SDK1: variants seen among roughly 807,000 people sequenced by gnomAD.
The protein encoded by SDK1 is sidekick cell adhesion molecule 1.
SDK1 carries 157 observed loss-of-function variants against 245.5 expected under a neutral mutation model. The observed-to-expected ratio is 0.64, with a 90% CI of 0.56 to 0.73. The LOEUF (loss-of-function observed/expected upper bound fraction) is 0.73, where lower values mean the gene tolerates loss of function less well. Among genes scored for constraint, SDK1 ranks in the 30% least tolerant of loss-of-function variants. SDK1 has a pLI of 0.00. For synonymous variants in SDK1, 1,647 were observed against 1,278.5 expected, an observed-to-expected ratio of 1.29 and a Z score of -6.15; for missense variants, 3,583 against 3,002.3, an observed-to-expected ratio of 1.19 and a Z score of -4.52.
At chr7:4,262,779 C>T (rs1788112051) in intron 44 of SDK1, among the ~76,000 whole-genome samples, 1 of 91,188 alleles carries the variant, frequency 1.1e-5, no homozygotes, top group Non-Finnish European at 2.3e-5. Flanking sequence ...ATCACCTCCA[C>T]CCCCTCTCCT....
intron 4 of SDK1, among the ~76,000 whole-genome samples, chr7:3,783,445 A>G (rs530676519): frequency 6.6e-6 from 1 of 151,882 alleles, no homozygotes; most frequent in South Asian, 2.1e-4. Context: ...ACATGATCTT[A>G]TATATATAGA....
intron 1 of SDK1, among the ~76,000 whole-genome samples, chr7:3,357,507 A>T (rs796490507): frequency 6.7e-6 from 1 of 148,454 alleles, no homozygotes; most frequent in African/African-American, 2.5e-5. Flanking sequence ...ATGCCACGAT[A>T]CCTGGCTTAA....
chr7:4,022,616 G>A (rs889023393), intron 17 of SDK1, among the ~76,000 whole-genome samples: 1 of 152,064 alleles, frequency 6.6e-6, no homozygotes, highest in African/African-American at 2.4e-5. Context: ...TGCAGGGGGA[G>A]GTAGCAGCTC....
chr7:3,357,329 T>G (rs1203577656), intron 1 of SDK1, among the ~76,000 whole-genome samples: 3 of 8,278 alleles, frequency 3.6e-4, no homozygotes, highest in African/African-American at 6.9e-4. Flanking sequence ...TCTTTTAGTG[T>G]TTTTTTTTTT....
At chr7:4,086,583 G>A (rs936628368) in intron 22 of SDK1, among the ~76,000 whole-genome samples, 1 of 152,104 alleles carries the variant, frequency 6.6e-6, no homozygotes, top group Non-Finnish European at 1.5e-5. Flanking sequence ...CAGAGCAGCC[G>A]GGGCAGGTCA....
At chr7:3,796,516 C>G (rs1778964295) in intron 4 of SDK1, among the ~76,000 whole-genome samples, 1 of 151,594 alleles carries the variant, frequency 6.6e-6, no homozygotes, top group African/African-American at 2.4e-5. Flanking sequence ...AGTAATGCCC[C>G]TCTCCCCCCC....
intron 1 of SDK1, among the ~76,000 whole-genome samples, chr7:3,589,563 G>A (rs1232084257): frequency 2.0e-5 from 3 of 152,170 alleles, no homozygotes; most frequent in Non-Finnish European, 4.4e-5. Context: ...AAGTTTAATG[G>A]ACTCATAGTT....
chr7:3,338,996 C>T (rs1477835375), intron 1 of SDK1, among the ~76,000 whole-genome samples: 1 of 152,108 alleles, frequency 6.6e-6, no homozygotes, highest in East Asian at 1.9e-4. Context: ...GATCTGAATA[C>T]ACCAATTAAA....
intron 1 of SDK1, among the ~76,000 whole-genome samples, chr7:3,364,686 A>G (rs1781043371): frequency 2.0e-5 from 3 of 152,182 alleles, no homozygotes; most frequent in Non-Finnish European, 4.4e-5. Context: ...TAGCTATATA[A>G]TAAGCTTTGA....
At chr7:4,093,304 C>A (rs1465253514) in intron 22 of SDK1, among the ~76,000 whole-genome samples, 1 of 152,060 alleles carries the variant, frequency 6.6e-6, no homozygotes, top group African/African-American at 2.4e-5. Flanking sequence ...CCTCTGTAAA[C>A]CCCTGCCATT....
chr7:3,535,153 G>C (rs1251284212), intron 1 of SDK1, among the ~76,000 whole-genome samples: 1 of 152,134 alleles, frequency 6.6e-6, no homozygotes. Context: ...ATACGCACCT[G>C]TAATCCCAGC....
At chr7:3,791,577 C>T (rs1048316123) in intron 4 of SDK1, among the ~76,000 whole-genome samples, 1 of 152,116 alleles carries the variant, frequency 6.6e-6, no homozygotes. Flanking sequence ...CCCCTCAGTA[C>T]CCAGGCAGAG....
rs538409374 is a variant in SDK1, at chr7:3,835,285, C to T, written c.847+13702C>T. Among the ~76,000 whole-genome samples the T allele has an allele frequency of 5.3e-5, 8 of 152,254 alleles. No individual in the cohort carries two copies. In the South Asian group the frequency reaches 6.2e-4, roughly 12 times the overall value. The stretch of plus-strand genomic sequence containing the variant: ...TGTCCACATGCATTTCCTCAATTAT[C>T]GACTCATGTTTCTTCTGTTTTATGA... On this transcript the variant is annotated intron_variant, in intron 5 of 44. Transcript: ENST00000404826.
intron 1 of SDK1, among the ~76,000 whole-genome samples, chr7:3,566,327 C>G (rs1027199028): frequency 1.3e-5 from 2 of 151,374 alleles, no homozygotes; most frequent in African/African-American, 4.9e-5. Flanking sequence ...CAGGTTCACG[C>G]CATTCTCCTG....
At chr7:4,130,160 A>G in intron 27 of SDK1, 63 bp downstream of exon 27, 1 of 1,444,590 alleles carries the variant, frequency 6.9e-7, no homozygotes, top group Non-Finnish European at 9.3e-7. Flanking sequence ...TTCCAATGCA[A>G]ACAATTTGGA....
chr7:3,790,926 A>C (rs965849158), intron 4 of SDK1, among the ~76,000 whole-genome samples: 3 of 152,056 alleles, frequency 2.0e-5, no homozygotes, highest in Admixed American at 6.5e-5. Flanking sequence ...AATTAACTTG[A>C]CAGTAATCAA....
chr7:4,114,504 C>G (rs957086726), intron 25 of SDK1, among the ~76,000 whole-genome samples: 1 of 152,124 alleles, frequency 6.6e-6, no homozygotes, highest in Non-Finnish European at 1.5e-5. Flanking sequence ...AACAGGGGAT[C>G]GACTCACATT....
At chr7:3,450,052 G>T (rs1457257183) in intron 1 of SDK1, among the ~76,000 whole-genome samples, 1 of 152,238 alleles carries the variant, frequency 6.6e-6, no homozygotes, top group African/African-American at 2.4e-5. Flanking sequence ...CAGGCATAAA[G>T]GTTGAGGGTG....
At chr7:4,101,694 C>T (rs757355717) in intron 22 of SDK1, among the ~76,000 whole-genome samples, 21 of 152,080 alleles carry the variant, frequency 1.4e-4, no homozygotes, top group African/African-American at 4.6e-4. Context: ...AGGAAGATCG[C>T]GGTTCTGGGG....
Sources: gnomAD v4.1 joint callset for allele counts (sites outside exome capture counted in the v4.1 genomes callset) on GRCh38, gnomAD v4.1.1 for gene constraint, MANE v1.5 for transcripts, NCBI Gene and HGNC (gene_info 2026-07-23, HGNC 2026-07-21) for gene names.